The following PAIP2B variants were observed in gnomAD, a reference collection of about 807,000 sequenced individuals.
The protein encoded by PAIP2B is poly(A) binding protein interacting protein 2B, also known as polyadenylate-binding protein-interacting protein 2B.
A neutral mutation model predicts 17.0 loss-of-function variants in PAIP2B; 13 were observed. The ratio of observed to expected loss-of-function variants is 0.76; its 90% confidence interval spans 0.50 to 1.22. The LOEUF (loss-of-function observed/expected upper bound fraction) is 1.22. Among genes scored for constraint, PAIP2B ranks in the 50% most tolerant of loss-of-function variants. PAIP2B has a pLI of 0.00. For synonymous variants in PAIP2B, 43 were observed against 48.7 expected (o/e 0.88, Z 0.48); for missense variants, 117 against 144.5 (o/e 0.81, Z 0.98).
chr2:71,189,874 T>G lies in PAIP2B; in HGVS notation c.286A>C (p.Ser96Arg). The G allele has an allele frequency of 6.4e-7, 1 of 1,560,444 alleles. No homozygotes were observed. Among genetic ancestry groups the G allele is most frequent in the Non-Finnish European group, 8.7e-7 (1 of 1,151,776 alleles). Residue 96 changes from serine (S) to arginine (R), a missense_variant, in exon 3 of 4, where the codon AGT becomes CGT. Ser to Arg is a moderately radical substitution (Grantham distance 110, BLOSUM62 -1). Transcript: ENST00000244221. The stretch of plus-strand genomic sequence containing the variant: ...ATATCTTCAGAATCATGACCTTCAC[T>G]GACTGACAGTCCATTTAACTGCTGT... Reference protein sequence around the residue: ...LQQQLNGLSVSEGHDSEDILS... With the variant: ...LQQQLNGLSVREGHDSEDILS...
At chr2:71,219,540 A>G (rs1217087011) in intron 1 of PAIP2B, among the ~76,000 whole-genome samples, 3 of 152,184 alleles carry the variant, frequency 2.0e-5, no homozygotes, top group African/African-American at 7.2e-5. Flanking sequence ...GAAAAGACAA[A>G]GGAAAGGCTG....
Position 71,197,678 on chromosome 2 carries a change from T to C in PAIP2B, c.138+4774A>G, listed in dbSNP as rs139020783. Among the ~76,000 whole-genome samples the C allele has an allele frequency of 2.6e-3, 392 of 152,332 alleles. 3 individuals carry two copies. The highest frequency in any genetic ancestry group is 7.0e-3 in the African/African-American group (291 of 41,578). ...AAAAGAAGGAGGTTTACTGAACTTATAGTTTCATGTGGCTGGGGAGGCCTC... is the reference window on the plus strand; with the variant it reads ...AAAAGAAGGAGGTTTACTGAACTTACAGTTTCATGTGGCTGGGGAGGCCTC... On this transcript the variant is annotated intron_variant, in intron 2 of 3. Coordinates refer to ENST00000244221, the MANE Select transcript of PAIP2B (RefSeq NM_020459.1).
chr2:71,225,899 C>T (rs1675709651), intron 1 of PAIP2B, among the ~76,000 whole-genome samples: 1 of 152,258 alleles, frequency 6.6e-6, no homozygotes, highest in South Asian at 2.1e-4. Context: ...TGGGTGTGAT[C>T]GAATCACACT....
chr2:71,208,591 C>T (rs1015819519), intron 1 of PAIP2B, among the ~76,000 whole-genome samples: 1 of 152,072 alleles, frequency 6.6e-6, no homozygotes, highest in African/African-American at 2.4e-5. Context: ...ATGGTAGCCC[C>T]CCCAAAAATA....
In PAIP2B at chr2:71,187,933, C is replaced by T. The variant is rs1674582199; in HGVS notation, c.*546G>A. 1 of 154,022 alleles carries T rather than the reference C, an allele frequency of 6.5e-6. No individual in the cohort carries two copies. The highest frequency in any genetic ancestry group is 2.4e-5 in the African/African-American group (1 of 41,448). The allele number at this position is 154,022 out of a possible 1,614,324, so 9.5% of individuals were successfully genotyped here. ...TTGAATGGGGTTCAGGACAAACAGG[C>T]AAGGGCTTGACAGCACATTGGTTAT... On this transcript the variant is annotated 3_prime_UTR_variant, in exon 4 of 4. Coordinates refer to ENST00000244221, the MANE Select transcript of PAIP2B (RefSeq NM_020459.1).
intron 1 of PAIP2B, among the ~76,000 whole-genome samples, chr2:71,210,969 A>G (rs1329681802): frequency 6.6e-6 from 1 of 152,190 alleles, no homozygotes; most frequent in East Asian, 1.9e-4. Flanking sequence ...TTAGCTGGCC[A>G]GGCGCAGTGG....
intron 1 of PAIP2B, among the ~76,000 whole-genome samples, chr2:71,226,028 C>T (rs1675713868): frequency 6.6e-6 from 1 of 152,194 alleles, no homozygotes; most frequent in African/African-American, 2.4e-5. Context: ...ATTCAATTTA[C>T]TGAAAATAAT....
chr2:71,201,012 TG>T (rs1210591991), intron 2 of PAIP2B, among the ~76,000 whole-genome samples: 2 of 7,898 alleles, frequency 2.5e-4, no homozygotes, highest in Non-Finnish European at 5.8e-4. Context: ...TGTGTGGGTG[TG>T]TGTGTGTGTG....
Position 71,202,456 on chromosome 2 carries a change from C to G in PAIP2B, c.134G>C (p.Arg45Thr), listed in dbSNP as rs993293587. ...MWMENEEDFN[R>T]QVEEELQEQD... ...CTTTTCCAGTTCTTTCTTTACCTGT[C>G]TGTTGAAATCCTCTTCATTCTCCAT... Residue 45 changes from arginine (R) to threonine (T), a missense_variant, in exon 2 of 4, where the codon AGA becomes ACA. Arg to Thr is a moderately conservative substitution (Grantham distance 71). Transcript: ENST00000244221. The G allele has an allele frequency of 6.2e-7, 1 of 1,612,260 alleles. No homozygotes were observed. The highest frequency in any genetic ancestry group is 8.5e-7 in the Non-Finnish European group (1 of 1,179,346).
rs1486850207 is a variant in PAIP2B, at chr2:71,185,293, C to T, written c.*3186G>A. On this transcript the variant is annotated 3_prime_UTR_variant, in exon 4 of 4. Coordinates refer to ENST00000244221, the MANE Select transcript of PAIP2B (RefSeq NM_020459.1). ...CCCAGGCTGGGGTGGCTCACCACAC[C>T]CAGCCTATAATCCCAGCACTTTGGG... The T allele has an allele frequency of 1.3e-5, 2 of 151,932 alleles. No individual in the cohort carries two copies. The highest frequency in any genetic ancestry group is 2.9e-5 in the Non-Finnish European group (2 of 67,992). The allele number at this position is 151,932 out of a possible 1,614,324, so 9.4% of individuals were successfully genotyped here. A position where few individuals can be genotyped will look rare whatever the true frequency, so the allele number is the denominator to read the frequency against.
chr2:71,192,980 T>C (rs1002931581), intron 2 of PAIP2B, among the ~76,000 whole-genome samples: 34 of 152,222 alleles, frequency 2.2e-4, no homozygotes, highest in African/African-American at 7.5e-4. Context: ...CTGGGTTGAA[T>C]TGTAGTTTTA....
intron 1 of PAIP2B, among the ~76,000 whole-genome samples, chr2:71,214,851 T>G (rs11693867): frequency 0.12 from 17,940 of 152,122 alleles, 1,143 homozygotes; most frequent in Non-Finnish European, 0.15. Context: ...GTATTCCAAA[T>G]AATTTAAAAA....
At chr2:71,194,483 GT>G (rs1674767052) in intron 2 of PAIP2B, among the ~76,000 whole-genome samples, 2 of 147,624 alleles carry the variant, frequency 1.4e-5, no homozygotes, top group East Asian at 3.9e-4. Context: ...GTGTGTGTGT[GT>G]GTGTGTGTGG....
chr2:71,198,141 T>C (rs374006434), intron 2 of PAIP2B, among the ~76,000 whole-genome samples: 4 of 152,186 alleles, frequency 2.6e-5, no homozygotes, highest in African/African-American at 4.8e-5. Context: ...TTTTTTGAGA[T>C]GCAGTTTCAC....
intron 2 of PAIP2B, 22 bp from the exon 3 acceptor site, chr2:71,190,043 C>T: frequency 1.3e-6 from 2 of 1,597,984 alleles, no homozygotes; most frequent in South Asian, 1.1e-5. Flanking sequence ...AGGGGAGCAG[C>T]TCAGACTTAC....
chr2:71,204,180 A>G (rs1675063972), intron 1 of PAIP2B, among the ~76,000 whole-genome samples: 1 of 87,274 alleles, frequency 1.1e-5, no homozygotes, highest in Admixed American at 9.1e-5. Context: ...AGTTCCATAA[A>G]TACCTGAGGC....
chr2:71,194,825 T>C (rs1436899617), intron 2 of PAIP2B, among the ~76,000 whole-genome samples: 1 of 152,244 alleles, frequency 6.6e-6, no homozygotes, highest in Non-Finnish European at 1.5e-5. Context: ...GGGGAATGCT[T>C]CCAGCTTTGG....
At position 71,189,878 on chromosome 2, in the gene PAIP2B, T is replaced by C. The variant is rs545942659; in HGVS notation, c.282A>G (p.Ser94=). Residue 94 remains serine, a synonymous_variant, in exon 3 of 4, where the codon TCA becomes TCG. Coordinates refer to ENST00000244221, the MANE Select transcript of PAIP2B (RefSeq NM_020459.1). ...GQLQQQLNGL[S]VSEGHDSEDI... is the part of the protein sequence containing the mutation. The stretch of plus-strand genomic sequence containing the variant: ...CTTCAGAATCATGACCTTCACTGAC[T>C]GACAGTCCATTTAACTGCTGTTGCA... 1.3e-6 allele frequency: 2 copies of C among 1,562,740 alleles called. No homozygotes were observed. Among genetic ancestry groups the C allele is most frequent in the Non-Finnish European group, 1.7e-6 (2 of 1,153,018 alleles).
chr2:71,216,348 T>C (rs1675428524), intron 1 of PAIP2B, among the ~76,000 whole-genome samples: 1 of 152,196 alleles, frequency 6.6e-6, no homozygotes, highest in African/African-American at 2.4e-5. Flanking sequence ...TCCTGGCCTC[T>C]CTAAGCCTTG....
Sources: gnomAD v4.1 joint callset for allele counts (sites outside exome capture counted in the v4.1 genomes callset) on GRCh38, gnomAD v4.1.1 for gene constraint, MANE v1.5 for transcripts, NCBI Gene and HGNC (gene_info 2026-07-23, HGNC 2026-07-21) for gene names.